Variants in CPA6 observed in about 807,000 individuals in gnomAD.
CPA6 encodes the protein carboxypeptidase B.
Under a neutral mutation model 63.3 loss-of-function variants are expected in CPA6, and 58 were observed. The observed-to-expected ratio is 0.92, with a 90% CI of 0.74 to 1.14. The LOEUF is 1.14. Among genes scored for constraint, CPA6 ranks in the 50% most tolerant of loss-of-function variants. CPA6 has a pLI of 0.00. For missense variants in CPA6, 565 were observed against 526.6 expected (o/e 1.07, Z -0.71); for synonymous variants, 185 against 179.0 (o/e 1.03, Z -0.27).
chr8:67,527,946 C>A (rs144265017), intron 2 of CPA6, among the ~76,000 whole-genome samples: 1 of 152,190 alleles, frequency 6.6e-6, no homozygotes, highest in African/African-American at 2.4e-5. Flanking sequence ...TGTGAATGTG[C>A]GGAGGATCCG....
intron 1 of CPA6, among the ~76,000 whole-genome samples, chr8:67,739,896 AT>A (rs1817881074): frequency 6.6e-6 from 1 of 152,230 alleles, no homozygotes; most frequent in South Asian, 2.1e-4. Flanking sequence ...AGAGAACTAC[AT>A]TAACCCAGAC....
At chr8:67,581,396 G>A (rs540205469) in intron 2 of CPA6, among the ~76,000 whole-genome samples, 26 of 152,312 alleles carry the variant, frequency 1.7e-4, no homozygotes, top group African/African-American at 6.3e-4. Context: ...AATAGTGCTA[G>A]TTGATTAATA....
At chr8:67,694,283 A>G (rs1816869066) in intron 1 of CPA6, among the ~76,000 whole-genome samples, 1 of 152,246 alleles carries the variant, frequency 6.6e-6, no homozygotes, top group Non-Finnish European at 1.5e-5. Context: ...CTGTATAGGT[A>G]AATCACAGCA....
intron 2 of CPA6, among the ~76,000 whole-genome samples, chr8:67,623,013 C>T (rs1815116202): frequency 6.6e-6 from 1 of 152,180 alleles, no homozygotes; most frequent in Admixed American, 6.5e-5. Context: ...ACTCTAAAAT[C>T]CATAAAGTTT....
At chr8:67,586,550 GT>G (rs1242571890) in intron 2 of CPA6, among the ~76,000 whole-genome samples, 1 of 152,150 alleles carries the variant, frequency 6.6e-6, no homozygotes, top group East Asian at 1.9e-4. Context: ...AAGGTGTTCT[GT>G]TTGATTACCT....
At chr8:67,604,866 C>T (rs2128983860) in intron 2 of CPA6, among the ~76,000 whole-genome samples, 2 of 152,266 alleles carry the variant, frequency 1.3e-5, no homozygotes, top group South Asian at 2.1e-4. Context: ...CAACCTCCAC[C>T]TCCCGGGTTC....
rs540786456 is a variant in CPA6 at position 67,717,255 on chromosome 8, G to T, written c.116+28759C>A. On this transcript the variant is annotated intron_variant, in intron 1 of 10. Transcript: ENST00000297770. The stretch of plus-strand genomic sequence containing the variant: ...CTGAAGTGTGTTTTCAATCCAAATT[G>T]CACAGATGAGAGAAAGGAGCACAGC... Among the ~76,000 whole-genome samples, 5 of 152,136 alleles carry T rather than the reference G, an allele frequency of 3.3e-5. No individual in the cohort carries two copies. In the South Asian group the frequency reaches 1.0e-3, roughly 32 times the overall value.
intron 8 of CPA6, among the ~76,000 whole-genome samples, chr8:67,437,394 CAAAACAAAACAAAAT>C (rs1339048520): frequency 2.7e-5 from 4 of 150,884 alleles, no homozygotes; most frequent in Non-Finnish European, 5.9e-5. Flanking sequence ...GACTCTGTCT[CAAAACAAAACAAAAT>C]AAAACAAAAC....
At chr8:67,511,446 C>G (rs1812040362) in intron 4 of CPA6, 95 bp downstream of exon 4, 1 of 732,694 alleles carries the variant, frequency 1.4e-6, no homozygotes, top group Non-Finnish European at 2.4e-6. Flanking sequence ...TTATGCTTCT[C>G]CCCTAGAAGC....
At chr8:67,546,205 A>G (rs1367672716) in intron 2 of CPA6, among the ~76,000 whole-genome samples, 2 of 152,244 alleles carry the variant, frequency 1.3e-5, no homozygotes, top group South Asian at 2.1e-4. Context: ...TTACAAAAAT[A>G]TAAACGGGAT....
intron 1 of CPA6, among the ~76,000 whole-genome samples, chr8:67,739,214 G>T (rs1166311494): frequency 6.6e-6 from 1 of 152,146 alleles, no homozygotes; most frequent in East Asian, 1.9e-4. Context: ...GGTTCAGAGG[G>T]GTAGAGGACT....
intron 8 of CPA6, among the ~76,000 whole-genome samples, chr8:67,444,084 C>T (rs1810358148): frequency 6.6e-6 from 1 of 151,790 alleles, no homozygotes; most frequent in African/African-American, 2.4e-5. Flanking sequence ...CTCCGCCTCC[C>T]GGGTTCACGC....
intron 1 of CPA6, among the ~76,000 whole-genome samples, chr8:67,692,186 A>G (rs1331831297): frequency 6.6e-6 from 1 of 152,080 alleles, no homozygotes; most frequent in Non-Finnish European, 1.5e-5. Context: ...AAAATACAAA[A>G]TTAGCCGGGC....
intron 2 of CPA6, among the ~76,000 whole-genome samples, chr8:67,544,766 C>T (rs886406053): frequency 1.3e-5 from 2 of 152,170 alleles, no homozygotes; most frequent in African/African-American, 4.8e-5. Flanking sequence ...TTTCGTACAA[C>T]TTAAACTTTC....
intron 2 of CPA6, among the ~76,000 whole-genome samples, chr8:67,613,904 G>A (rs1267210161): frequency 6.6e-6 from 1 of 152,156 alleles, no homozygotes. Context: ...GAGACGAGGA[G>A]GAACATCTGA....
At chr8:67,644,881 G>GTGAATTTC (rs1815681941) in intron 1 of CPA6, among the ~76,000 whole-genome samples, 2 of 152,192 alleles carry the variant, frequency 1.3e-5, no homozygotes, top group African/African-American at 4.8e-5. Context: ...TTTCAAGGCA[G>GTGAATTTC]TGAATTTCCA....
intron 2 of CPA6, among the ~76,000 whole-genome samples, chr8:67,561,656 T>C (rs1014955545): frequency 3.9e-5 from 6 of 152,190 alleles, no homozygotes; most frequent in Admixed American, 3.3e-4. Flanking sequence ...TAAAGGCCAT[T>C]ATTGGGAGAA....
intron 1 of CPA6, among the ~76,000 whole-genome samples, chr8:67,661,783 C>A (rs1267395122): frequency 6.6e-6 from 1 of 152,180 alleles, no homozygotes; most frequent in Non-Finnish European, 1.5e-5. Context: ...TCTTCCCAGG[C>A]CCTGGCAACC....
At chr8:67,427,967 C>T (rs1389340362) in intron 10 of CPA6, 80 bp downstream of exon 10, 3 of 919,112 alleles carry the variant, frequency 3.3e-6, no homozygotes, top group East Asian at 5.0e-5. Context: ...AACACACTTT[C>T]TCCCTTCTAA....
Sources: gnomAD v4.1 joint callset for allele counts (sites outside exome capture counted in the v4.1 genomes callset) on GRCh38, gnomAD v4.1.1 for gene constraint, MANE v1.5 for transcripts, NCBI Gene and HGNC (gene_info 2026-07-23, HGNC 2026-07-21) for gene names.